Variants in PCDHGB5 observed in about 807,000 individuals in gnomAD.
The protein encoded by PCDHGB5 is protocadherin gamma subfamily B, 5.
In PCDHGB5, 48 loss-of-function variants were observed where a neutral mutation model predicts 62.9. That is an observed-to-expected ratio of 0.76 (90% CI 0.61 to 0.97). The LOEUF is 0.97. Ranked by LOEUF, PCDHGB5 falls within the 50% of genes least tolerant of loss-of-function variation. The pLI is 0.00. For synonymous variants in PCDHGB5, 474 were observed against 511.2 expected (o/e 0.93, Z 0.98); for missense variants, 1,118 against 1,198.6 (o/e 0.93, Z 0.99).
Position 141,489,524 on chromosome 5 carries a change from T to TA in PCDHGB5, c.2398-5282dup. Reference sequence around the variant, plus strand: ...AATCAAAAGATTGACCGAGAAAGCCTATGTGGAGCCAGCACCAGCTGCCTG... The same window carrying TA: ...AATCAAAAGATTGACCGAGAAAGCCTAATGTGGAGCCAGCACCAGCTGCCTG... On this transcript the variant is annotated intron_variant, in intron 1 of 3. Transcript: ENST00000617380. This position sits in a 1 kb window ranked among gnomAD's most constrained non-coding sequence, Gnocchi z 4.5. 6.2e-7 allele frequency: 1 copy of TA among 1,614,076 alleles called. No homozygotes were observed. Among genetic ancestry groups the TA allele is most frequent in the Non-Finnish European group, 8.5e-7 (1 of 1,180,010 alleles).
chr5:141,465,348 A>G (rs886810999), intron 1 of PCDHGB5, among the ~76,000 whole-genome samples: 2 of 152,158 alleles, frequency 1.3e-5, no homozygotes, highest in African/African-American at 4.8e-5. Flanking sequence ...GTTACTGAAG[A>G]AAAAATGGGT....
rs201022238 is a variant in PCDHGB5 at position 141,415,678 on chromosome 5, G to A, written c.2397+15154G>A. 470 of 1,555,406 alleles carry A rather than the reference G, an allele frequency of 3.0e-4. 2 individuals carry two copies. In the African/African-American group the frequency reaches 5.9e-3, roughly 20 times the overall value. ...GATTGGTTTTTACTTTGAAGTTTGC[G>A]GCATGATGGTGGAAAGTGTAAATGC... On this transcript the variant is annotated intron_variant, in intron 1 of 3. Coordinates refer to ENST00000617380, the MANE Select transcript of PCDHGB5 (RefSeq NM_018925.3).
rs959855220 is a variant in PCDHGB5, at chr5:141,476,280, G to A, written c.2398-18527G>A. 4 of 1,614,010 alleles carry A rather than the reference G, an allele frequency of 2.5e-6. No individual in the cohort carries two copies. In the African/African-American group the frequency reaches 5.3e-5, roughly 22 times the overall value. On this transcript the variant is annotated intron_variant, in intron 1 of 3. Transcript: ENST00000617380. This position sits in a 1 kb window ranked among gnomAD's most constrained non-coding sequence, Gnocchi z 7.6. ...GTGGGCAACGTGGTCGCGAACCTTG[G>A]TTTGGATCTCGGTAGCCTCTCAGCC...
intron 1 of PCDHGB5, chr5:141,402,978 T>C (rs746626227): frequency 2.5e-6 from 4 of 1,608,452 alleles, no homozygotes; most frequent in Non-Finnish European, 3.4e-6. Context: ...AAATGCCAGC[T>C]CCGCGGAAGA....
chr5:141,484,532 G>A (rs1421387882), intron 1 of PCDHGB5, among the ~76,000 whole-genome samples: 1 of 152,182 alleles, frequency 6.6e-6, no homozygotes, highest in Non-Finnish European at 1.5e-5. Context: ...TTGAGTATAT[G>A]GCAGTGGTTC....
intron 1 of PCDHGB5, chr5:141,405,172 T>G: frequency 1.2e-6 from 2 of 1,614,092 alleles, no homozygotes; most frequent in African/African-American, 2.7e-5. Flanking sequence ...CCTCACACTT[T>G]GTGGGTGTAG....
In PCDHGB5 at chr5:141,489,993, C is replaced by A; in HGVS notation, c.2398-4814C>A. 6.2e-7 allele frequency: 1 copy of A among 1,614,186 alleles called. No individual in the cohort carries two copies. The highest frequency in any genetic ancestry group is 1.1e-5 in the South Asian group (1 of 91,088). On this transcript the variant is annotated intron_variant, in intron 1 of 3. Transcript: ENST00000617380. The surrounding 1 kb of genome is among the most constrained non-coding windows in gnomAD (Gnocchi z 4.5). ...AATCCTCAGTTCTACGTGTGGGAATCCCAGAGAATGCACCCATTGGTACTC... is the reference window on the plus strand; with the variant it reads ...AATCCTCAGTTCTACGTGTGGGAATACCAGAGAATGCACCCATTGGTACTC...
intron 1 of PCDHGB5, chr5:141,428,018 C>T (rs771831423): frequency 1.9e-6 from 3 of 1,604,570 alleles, no homozygotes; most frequent in Non-Finnish European, 2.6e-6. Flanking sequence ...TAGTGCCACG[C>T]GCCGCAGAGT....
At chr5:141,421,913 T>C in intron 1 of PCDHGB5, 1 of 1,613,710 alleles carries the variant, frequency 6.2e-7, no homozygotes, top group Non-Finnish European at 8.5e-7. Context: ...GCAGTTCCCA[T>C]TCGTGTGGTG....
chr5:141,424,149 G>T, intron 1 of PCDHGB5: 1 of 324,612 alleles, frequency 3.1e-6, no homozygotes. Flanking sequence ...GCTCCCTCTA[G>T]CTCTCCTTCT....
Position 141,511,156 on chromosome 5 carries a change from A to G in PCDHGB5, c.2755A>G (p.Lys919Glu), listed in dbSNP as rs2099883637. 6.2e-7 allele frequency: 1 copy of G among 1,614,080 alleles called. No individual in the cohort carries two copies. The highest frequency in any genetic ancestry group is 1.3e-5 in the African/African-American group (1 of 74,940). Residue 919 changes from lysine (K) to glutamate (E), a missense_variant, in exon 4 of 4, where the codon AAG (lysine) becomes GAG (glutamate). By Grantham distance (56) the Lys-to-Glu change is moderately conservative (BLOSUM62 1). Around this residue, in one of 2 missense-constraint regions of PCDHGB5, gnomAD observed 1,034 missense variants for 1,029.1 expected, o/e 1.00. Transcript: ENST00000617380. ...CAATGGCAACAAGAAGAAGTCGGGC[A>G]AGAAGGAGAAGAAGTAACATGGAGG... is the stretch of plus-strand genomic sequence containing the variant. ...GGNGNKKKSG[K>E]KEKK
chr5:141,408,043 A>G, intron 1 of PCDHGB5: 1 of 1,220,238 alleles, frequency 8.2e-7, no homozygotes, highest in Non-Finnish European at 1.1e-6. Context: ...ACCAGCTCCC[A>G]CACAGAGCCT....
At chr5:141,423,228 CA>C in intron 1 of PCDHGB5, 1 of 1,613,866 alleles carries the variant, frequency 6.2e-7, no homozygotes, top group Non-Finnish European at 8.5e-7. Flanking sequence ...CTGTGGCCGA[CA>C]GCATCCCCGA....
intron 1 of PCDHGB5, among the ~76,000 whole-genome samples, chr5:141,401,282 C>G (rs963741934): frequency 4.0e-5 from 6 of 151,884 alleles, no homozygotes; most frequent in African/African-American, 1.5e-4. Context: ...GTGGAGGTTG[C>G]GGTGAGCCGA....
At chr5:141,510,378 C>T (rs919650449) in intron 3 of PCDHGB5, among the ~76,000 whole-genome samples, 1 of 151,688 alleles carries the variant, frequency 6.6e-6, no homozygotes, top group African/African-American at 2.4e-5. Flanking sequence ...TCTACTCGTG[C>T]CAGGCCTTGC....
intron 1 of PCDHGB5, among the ~76,000 whole-genome samples, chr5:141,466,360 G>A (rs2099121274): frequency 6.6e-6 from 1 of 152,070 alleles, no homozygotes; most frequent in South Asian, 2.1e-4. Context: ...TAATCTAGAT[G>A]TAATGGTTTT....
rs768135284 is a variant in PCDHGB5, at chr5:141,489,277, T to C, written c.2398-5530T>C. ...GACACTCCCACAGCTCGCTGGGAAA[T>C]GGCAAGTGCTGTGCATGTTGTCCTT... On this transcript the variant is annotated intron_variant, in intron 1 of 3. Transcript: ENST00000617380. This position sits in a 1 kb window ranked among gnomAD's most constrained non-coding sequence, Gnocchi z 4.5. 7.1e-6 allele frequency: 11 copies of C among 1,556,078 alleles called. No individual in the cohort carries two copies. Among genetic ancestry groups the C allele is most frequent in the South Asian group, 3.7e-5 (3 of 80,348 alleles).
In PCDHGB5 at chr5:141,420,182, C is replaced by G. The variant is rs375716662; in HGVS notation, c.2397+19658C>G. The G allele has an allele frequency of 3.7e-6, 6 of 1,613,694 alleles. No individual in the cohort carries two copies. In the African/African-American group the frequency reaches 8.0e-5, roughly 22 times the overall value. Reference sequence around the variant, plus strand: ...TTTTTTCACATCTGTTGATCATTGTCCAGCCACACAAGATAACCTCAACAA... The same window carrying G: ...TTTTTTCACATCTGTTGATCATTGTGCAGCCACACAAGATAACCTCAACAA... On this transcript the variant is annotated intron_variant, in intron 1 of 3. Transcript: ENST00000617380.
intron 1 of PCDHGB5, among the ~76,000 whole-genome samples, chr5:141,481,593 G>A (rs575017133): frequency 1.3e-5 from 2 of 152,172 alleles, no homozygotes; most frequent in African/African-American, 2.4e-5. Context: ...TGAGGCCAGC[G>A]GATCACCTGA....
Sources: allele counts gnomAD v4.1 joint callset (sites outside exome capture counted in the v4.1 genomes callset), GRCh38; gene constraint gnomAD v4.1.1; regional missense constraint gnomAD v4.1.1; non-coding constraint Gnocchi (gnomAD v3.1); transcripts MANE v1.5; gene names NCBI Gene and HGNC (gene_info 2026-07-23, HGNC 2026-07-21).